The following EXOC6B variants were observed in gnomAD, a reference collection of about 807,000 sequenced individuals.
EXOC6B encodes SEC15 homolog B.
Under a neutral mutation model 113.5 loss-of-function variants are expected in EXOC6B, and 54 were observed. That is an observed-to-expected ratio of 0.48 (90% confidence interval 0.38 to 0.60). The LOEUF is 0.60. EXOC6B is among the 20% of genes least tolerant of loss of function. EXOC6B has a pLI of 0.00. For synonymous variants in EXOC6B, 357 were observed against 339.0 expected (o/e 1.05, Z -0.58); for missense variants, 797 against 977.5 (o/e 0.82, Z 2.46).
intron 6 of EXOC6B, among the ~76,000 whole-genome samples, chr2:72,613,117 T>C (rs760316269): frequency 1.3e-5 from 2 of 152,214 alleles, no homozygotes; most frequent in Non-Finnish European, 2.9e-5. Context: ...AATATTTCGA[T>C]GTATTTTTTG....
intron 20 of EXOC6B, among the ~76,000 whole-genome samples, chr2:72,279,168 TG>T (rs1267458112): frequency 6.6e-6 from 1 of 152,220 alleles, no homozygotes; most frequent in Non-Finnish European, 1.5e-5. Flanking sequence ...CTTCTTACTC[TG>T]TTTCTCTCTT....
chr2:72,758,980 G>A (rs1195134433), intron 1 of EXOC6B, among the ~76,000 whole-genome samples: 2 of 152,152 alleles, frequency 1.3e-5, no homozygotes, highest in Non-Finnish European at 2.9e-5. Context: ...TTTACCCTCT[G>A]GACATGTTCC....
At chr2:72,499,230 A>ATT (rs5832085) in intron 12 of EXOC6B, among the ~76,000 whole-genome samples, 3 of 139,464 alleles carry the variant, frequency 2.2e-5, no homozygotes, top group South Asian at 4.7e-4. Flanking sequence ...GCTTATGTAG[A>ATT]TTTTTTTTTT....
intron 5 of EXOC6B, among the ~76,000 whole-genome samples, chr2:72,719,518 G>T (rs946089432): frequency 1.3e-5 from 2 of 152,208 alleles, no homozygotes; most frequent in African/African-American, 4.8e-5. Context: ...GGCTGACTAG[G>T]AGGCTGTAGA....
At chr2:72,187,284 G>T (rs1470764550) in intron 20 of EXOC6B, among the ~76,000 whole-genome samples, 1 of 152,012 alleles carries the variant, frequency 6.6e-6, no homozygotes, top group Non-Finnish European at 1.5e-5. Flanking sequence ...ACAAAGGGCT[G>T]CAGCTCTTCT....
At chr2:72,409,109 T>G (rs1023543073) in intron 18 of EXOC6B, among the ~76,000 whole-genome samples, 3 of 152,028 alleles carry the variant, frequency 2.0e-5, no homozygotes, top group Admixed American at 6.5e-5. Context: ...AAAAGACACA[T>G]GAAAAAATGC....
At chr2:72,696,809 G>A (rs1321945475) in intron 6 of EXOC6B, among the ~76,000 whole-genome samples, 2 of 151,956 alleles carry the variant, frequency 1.3e-5, no homozygotes, top group Non-Finnish European at 2.9e-5. Context: ...CGCTATCTAT[G>A]GTATCATAAA....
At chr2:72,516,092 G>A (rs939192322) in intron 8 of EXOC6B, among the ~76,000 whole-genome samples, 1 of 152,076 alleles carries the variant, frequency 6.6e-6, no homozygotes, top group Admixed American at 6.6e-5. Context: ...CCTTGAGTTT[G>A]GAATTCTAGC....
chr2:72,397,620 A>AAAAAAAAAAAAAAT (rs1692809975), intron 18 of EXOC6B, among the ~76,000 whole-genome samples: 1 of 106,310 alleles, frequency 9.4e-6, no homozygotes, highest in African/African-American at 8.3e-5. Context: ...CTCATCTCAA[A>AAAAAAAAAAAAAAT]AAAAAAAAAT....
At chr2:72,324,508 T>C (rs1420551885) in intron 20 of EXOC6B, among the ~76,000 whole-genome samples, 2 of 152,178 alleles carry the variant, frequency 1.3e-5, no homozygotes, top group East Asian at 3.9e-4. Context: ...GTGACAGCAA[T>C]AGTAGAAGTA....
intron 19 of EXOC6B, among the ~76,000 whole-genome samples, chr2:72,366,807 C>T (rs990719647): frequency 9.3e-5 from 14 of 151,300 alleles, no homozygotes; most frequent in Admixed American, 2.6e-4. Flanking sequence ...AAAAAAAACC[C>T]TATTAACCTA....
At chr2:72,564,324 G>C (rs977015721) in intron 7 of EXOC6B, among the ~76,000 whole-genome samples, 11 of 152,116 alleles carry the variant, frequency 7.2e-5, no homozygotes, top group African/African-American at 1.4e-4. Flanking sequence ...TCTTAAGAAG[G>C]CTTTCAAAGT....
At chr2:72,545,290 C>A (rs1024971904) in intron 8 of EXOC6B, among the ~76,000 whole-genome samples, 1 of 151,700 alleles carries the variant, frequency 6.6e-6, no homozygotes, top group Non-Finnish European at 1.5e-5. Context: ...TTTTCATTTG[C>A]CAATCAATTT....
intron 1 of EXOC6B, among the ~76,000 whole-genome samples, chr2:72,799,969 G>A (rs546377023): frequency 6.6e-6 from 1 of 152,248 alleles, no homozygotes; most frequent in South Asian, 2.1e-4. Context: ...AAGGGCTTAA[G>A]TGGGAAGATA....
At chr2:72,235,021 A>G (rs550549867) in intron 20 of EXOC6B, among the ~76,000 whole-genome samples, 1 of 152,354 alleles carries the variant, frequency 6.6e-6, no homozygotes, top group East Asian at 1.9e-4. Context: ...CAGAAGTATC[A>G]TTTGAGCCAG....
chr2:72,782,776 A>T (rs1201627839), intron 1 of EXOC6B, among the ~76,000 whole-genome samples: 1 of 152,030 alleles, frequency 6.6e-6, no homozygotes, highest in Non-Finnish European at 1.5e-5. Context: ...AACATGTGGT[A>T]TTTTTCTTTC....
chr2:72,227,023 T>C (rs984495251), intron 20 of EXOC6B, among the ~76,000 whole-genome samples: 1 of 152,158 alleles, frequency 6.6e-6, no homozygotes, highest in Admixed American at 6.5e-5. Flanking sequence ...CATACATTCA[T>C]AGCTGTAATG....
intron 18 of EXOC6B, among the ~76,000 whole-genome samples, chr2:72,435,069 T>G (rs1045312482): frequency 5.3e-5 from 8 of 152,226 alleles, no homozygotes; most frequent in African/African-American, 1.9e-4. Context: ...CTCTACACAC[T>G]GCTTTGGCTG....
chr2:72,244,999 GAA>G (rs1397883528), intron 20 of EXOC6B, among the ~76,000 whole-genome samples: 1 of 152,126 alleles, frequency 6.6e-6, no homozygotes, highest in Non-Finnish European at 1.5e-5. Flanking sequence ...CTAAGTAAAT[GAA>G]GAGTTATTCC....
Sources: allele counts gnomAD v4.1 joint callset (sites outside exome capture counted in the v4.1 genomes callset), GRCh38; gene constraint gnomAD v4.1.1; transcripts MANE v1.5; gene names NCBI Gene and HGNC (gene_info 2026-07-23, HGNC 2026-07-21).